ABCB1: variants seen among roughly 807,000 people sequenced by gnomAD.
ABCB1 encodes ATP binding cassette subfamily B member 1.
In ABCB1, 69 loss-of-function variants were observed where a neutral mutation model predicts 142.0. The observed-to-expected ratio is 0.49, with a 90% CI of 0.40 to 0.59. The LOEUF is 0.59. ABCB1 is among the 20% of genes least tolerant of loss of function. ABCB1 has a pLI of 0.00. For synonymous variants in ABCB1, 532 were observed against 539.2 expected (o/e 0.99, Z 0.18); for missense variants, 1,326 against 1,554.7 (o/e 0.85, Z 2.47).
At chr7:87,523,967 C>T (rs994016727) in intron 21 of ABCB1, among the ~76,000 whole-genome samples, 6 of 152,126 alleles carry the variant, frequency 3.9e-5, no homozygotes, top group African/African-American at 7.2e-5. Flanking sequence ...CTCTCTTTGG[C>T]CTCTGCACTG....
intron 1 of ABCB1, among the ~76,000 whole-genome samples, chr7:87,703,820 A>G (rs1829299931): frequency 9.1e-6 from 1 of 109,398 alleles, no homozygotes. Context: ...TTTTTGAACT[A>G]TAGATTTTTA....
intron 20 of ABCB1, among the ~76,000 whole-genome samples, chr7:87,534,095 A>G (rs1281660812): frequency 6.6e-6 from 1 of 152,194 alleles, no homozygotes; most frequent in Non-Finnish European, 1.5e-5. Context: ...TTACAAATAT[A>G]GGAACTCACT....
chr7:87,594,051 T>G (rs1055055536), intron 3 of ABCB1, among the ~76,000 whole-genome samples: 1 of 152,206 alleles, frequency 6.6e-6, no homozygotes, highest in African/African-American at 2.4e-5. Flanking sequence ...ATCACCAATA[T>G]ATTGTTAAAC....
At chr7:87,573,162 A>G (rs1378984605) in intron 4 of ABCB1, among the ~76,000 whole-genome samples, 13 of 152,342 alleles carry the variant, frequency 8.5e-5, no homozygotes. Flanking sequence ...GGGCAAAGGC[A>G]TGTCTTACAT....
intron 1 of ABCB1, among the ~76,000 whole-genome samples, chr7:87,614,431 G>T (rs1394385442): frequency 6.6e-6 from 1 of 150,562 alleles, no homozygotes; most frequent in Admixed American, 6.6e-5. Context: ...AAAGAAGAAA[G>T]AGAGAAAGAG....
chr7:87,624,374 T>C (rs1019827917), intron 1 of ABCB1, among the ~76,000 whole-genome samples: 1 of 152,246 alleles, frequency 6.6e-6, no homozygotes, highest in Non-Finnish European at 1.5e-5. Context: ...TAGAATAAAC[T>C]ATGGTTTGGT....
intron 1 of ABCB1, among the ~76,000 whole-genome samples, chr7:87,626,068 A>G (rs1431760474): frequency 7.6e-6 from 1 of 131,570 alleles, no homozygotes; most frequent in South Asian, 2.4e-4. Flanking sequence ...TCTGTCGCCC[A>G]GGCTGAGACA....
chr7:87,688,883 A>G (rs1271902424), intron 1 of ABCB1, among the ~76,000 whole-genome samples: 1 of 152,032 alleles, frequency 6.6e-6, no homozygotes, highest in African/African-American at 2.4e-5. Context: ...ATAATGAAAT[A>G]TAGACAAAAT....
chr7:87,533,075 T>C (rs1180441693), intron 20 of ABCB1, among the ~76,000 whole-genome samples: 6 of 152,198 alleles, frequency 3.9e-5, no homozygotes, highest in African/African-American at 1.4e-4. Context: ...ATTTTGTTGA[T>C]GCAATCATTG....
At position 87,515,402 on chromosome 7, in the gene ABCB1, A is replaced by T. The variant is rs781503569; in HGVS notation, c.3111T>A (p.Phe1037Leu). 32 of 1,614,022 alleles carry T rather than the reference A, an allele frequency of 2.0e-5. No individual in the cohort carries two copies. The Admixed American group carries it at 5.2e-4, about 26-fold the overall frequency. ...TGGGATAGTTGAATACAACTTCACC[A>T]AATGTGACATTTCCTTCCAATGTGT... ...MPNTLEGNVT[F>L]GEVVFNYPTR... is the part of the protein sequence containing the mutation. The change falls in exon 25 of 28, where the codon TTT becomes TTA. Residue 1037 changes from phenylalanine (F) to leucine (L), a missense_variant. Physicochemically the swap from Phe to Leu is conservative, Grantham distance 22. Transcript: ENST00000622132.
intron 1 of ABCB1, among the ~76,000 whole-genome samples, chr7:87,632,662 A>G (rs972710644): frequency 6.6e-6 from 1 of 152,102 alleles, no homozygotes; most frequent in Non-Finnish European, 1.5e-5. Context: ...GATTTTTTTA[A>G]CTTGCATTTT....
intron 1 of ABCB1, among the ~76,000 whole-genome samples, chr7:87,657,256 A>T (rs2130423402): frequency 6.6e-6 from 1 of 152,272 alleles, no homozygotes; most frequent in Middle Eastern, 3.4e-3. Flanking sequence ...TAAGCCAGGA[A>T]CCTGCAAATT....
chr7:87,554,657 G>A (rs1186916725), intron 8 of ABCB1, among the ~76,000 whole-genome samples: 1 of 152,142 alleles, frequency 6.6e-6, no homozygotes, highest in Non-Finnish European at 1.5e-5. Context: ...TATTGACTAT[G>A]TGTCCTTCCC....
chr7:87,544,187 G>A lies in ABCB1; in HGVS notation c.2153C>T (p.Ala718Val). The change falls in exon 17 of 28, where the codon GCC becomes GTC. Residue 718 changes from alanine to valine, a missense_variant. Ala to Val is a moderately conservative substitution (Grantham distance 64, BLOSUM62 0). Transcript: ENST00000622132. ...TGGTTGCAGGCCTCCATTTATAATG[G>A]CACAAAATACACCAACAACAAAATA... ...WPYFVVGVFCAIINGGLQPAF... is the reference protein window; with the variant it reads ...WPYFVVGVFCVIINGGLQPAF... 6.2e-7 allele frequency: 1 copy of A among 1,613,794 alleles called. No homozygotes were observed. Among genetic ancestry groups the A allele is most frequent in the East Asian group, 2.2e-5 (1 of 44,834 alleles).
intron 1 of ABCB1, among the ~76,000 whole-genome samples, chr7:87,672,084 C>T (rs1255887640): frequency 6.6e-6 from 1 of 152,110 alleles, no homozygotes; most frequent in Non-Finnish European, 1.5e-5. Flanking sequence ...ATGGGAATGA[C>T]TGAGTCACCC....
intron 8 of ABCB1, 117 bp downstream of exon 8, chr7:87,561,146 G>T: frequency 2.5e-6 from 3 of 1,189,050 alleles, no homozygotes; most frequent in Non-Finnish European, 2.4e-6. Flanking sequence ...CATCCATTAA[G>T]CTATTTAAGA....
intron 1 of ABCB1, among the ~76,000 whole-genome samples, chr7:87,703,821 T>C (rs977344615): frequency 7.1e-6 from 1 of 140,576 alleles, no homozygotes; most frequent in Non-Finnish European, 1.6e-5. Context: ...TTTTGAACTA[T>C]AGATTTTTAA....
At chr7:87,557,047 C>G in intron 8 of ABCB1, among the ~76,000 whole-genome samples, 2 of 152,158 alleles carry the variant, frequency 1.3e-5, no homozygotes, top group East Asian at 3.9e-4. Flanking sequence ...GAAACCTCCT[C>G]AAAGAGGCCT....
intron 20 of ABCB1, among the ~76,000 whole-genome samples, chr7:87,533,532 C>T (rs1270214372): frequency 2.6e-5 from 4 of 152,188 alleles, no homozygotes; most frequent in East Asian, 1.9e-4. Flanking sequence ...TTTAACCCCT[C>T]GGCTTCATTT....
Sources: gnomAD v4.1 joint callset for allele counts (sites outside exome capture counted in the v4.1 genomes callset) on GRCh38, gnomAD v4.1.1 for gene constraint, MANE v1.5 for transcripts, NCBI Gene and HGNC (gene_info 2026-07-23, HGNC 2026-07-21) for gene names.